CCDC73: variants seen among roughly 807,000 people sequenced by gnomAD.
The protein encoded by CCDC73 is coiled-coil domain containing 73, also known as coiled-coil domain-containing protein 73.
In CCDC73, 95 loss-of-function variants were observed where a neutral mutation model predicts 116.5. The observed-to-expected ratio is 0.82, with a 90% CI of 0.69 to 0.97. The LOEUF is 0.97. CCDC73 is among the 50% of genes least tolerant of loss of function. The pLI, the probability that CCDC73 is intolerant of heterozygous loss-of-function variation, is 0.00. For synonymous variants in CCDC73, 398 were observed against 401.3 expected (o/e 0.99, Z 0.10); for missense variants, 1,066 against 1,206.8 (o/e 0.88, Z 1.73).
intron 1 of CCDC73, among the ~76,000 whole-genome samples, chr11:32,763,672 A>G (rs1327108954): frequency 6.6e-6 from 1 of 152,260 alleles, no homozygotes. Flanking sequence ...AAAAAAACAG[A>G]GAAGAAAAGC....
chr11:32,627,849 T>C (rs1463715175), intron 14 of CCDC73, among the ~76,000 whole-genome samples: 6 of 152,120 alleles, frequency 3.9e-5, no homozygotes, highest in Non-Finnish European at 5.9e-5. Context: ...AGGGATAGCA[T>C]TAGGAGATAT....
intron 2 of CCDC73, among the ~76,000 whole-genome samples, chr11:32,740,905 A>G (rs1413934207): frequency 2.0e-5 from 3 of 151,990 alleles, no homozygotes; most frequent in African/African-American, 4.8e-5. Context: ...ACATTTTTCA[A>G]TTTCCTTCTT....
At chr11:32,811,225 C>T in the CCDC73 span, among the ~76,000 whole-genome samples, 1 of 152,156 alleles carries the variant, frequency 6.6e-6, no homozygotes, top group Admixed American at 6.5e-5. Context: ...TCTTCTCTCC[C>T]TTGCTCAGAA....
intron 9 of CCDC73, among the ~76,000 whole-genome samples, chr11:32,660,254 A>T (rs1188065661): frequency 6.7e-6 from 1 of 149,068 alleles, no homozygotes; most frequent in Non-Finnish European, 1.5e-5. Context: ...AAAAAAAAAA[A>T]ACAGGTTGGA....
the CCDC73 span, among the ~76,000 whole-genome samples, chr11:32,807,098 G>A: frequency 6.6e-6 from 1 of 152,304 alleles, no homozygotes; most frequent in South Asian, 2.1e-4. Context: ...TTGGTCAGCT[G>A]TTTGATTGAT....
At chr11:32,807,191 A>G in the CCDC73 span, among the ~76,000 whole-genome samples, 980 of 152,324 alleles carry the variant, frequency 6.4e-3, 15 homozygotes, top group African/African-American at 0.022. Context: ...TGCCCTCAGC[A>G]TTCCTTCTGG....
the CCDC73 span, among the ~76,000 whole-genome samples, chr11:32,808,748 C>T: frequency 6.6e-6 from 1 of 151,986 alleles, no homozygotes; most frequent in African/African-American, 2.4e-5. Flanking sequence ...GTAAGTTTAT[C>T]TAAGAAACAA....
At chr11:32,709,670 GGTT>G (rs1849883059) in intron 3 of CCDC73, among the ~76,000 whole-genome samples, 1 of 152,160 alleles carries the variant, frequency 6.6e-6, no homozygotes, top group South Asian at 2.1e-4. Context: ...TTGGTCTGTA[GGTT>G]GTTGTTATTA....
In CCDC73 at chr11:32,613,881, T is replaced by G; in HGVS notation, c.2437A>C (p.Ile813Leu). The G allele has an allele frequency of 6.2e-7, 1 of 1,613,418 alleles. No individual in the cohort carries two copies. Among genetic ancestry groups the G allele is most frequent in the Non-Finnish European group, 8.5e-7 (1 of 1,179,922 alleles). ...GCTTCAGTTACCTGATTCTCATCAA[T>G]CTGATTCTTTTTATTGGAAAACTCT... ...ETEFSNKKNQIDENQVTEATK... is the reference protein window; with the variant it reads ...ETEFSNKKNQLDENQVTEATK... The change falls in exon 16 of 18, where the codon ATT (isoleucine) becomes CTT (leucine). Residue 813 changes from isoleucine (I) to leucine (L), a missense_variant. By Grantham distance (5) the Ile-to-Leu change is conservative. Coordinates refer to ENST00000335185, the MANE Select transcript of CCDC73 (RefSeq NM_001008391.4).
At chr11:32,780,519 C>A (rs1343588181) in intron 1 of CCDC73, among the ~76,000 whole-genome samples, 4 of 151,710 alleles carry the variant, frequency 2.6e-5, no homozygotes, top group Non-Finnish European at 5.9e-5. Context: ...AGAAAAAAAT[C>A]CTAGATGCAG....
At chr11:32,828,940 A>G in the CCDC73 span, among the ~76,000 whole-genome samples, 1 of 152,236 alleles carries the variant, frequency 6.6e-6, no homozygotes, top group Non-Finnish European at 1.5e-5. Context: ...ATGAGGTTAT[A>G]GCTATCCTAG....
chr11:32,745,751 T>G lies in CCDC73; in HGVS notation c.135+14358A>C, dbSNP rs200567834. On this transcript the variant is annotated intron_variant, in intron 2 of 17. Coordinates refer to ENST00000335185, the MANE Select transcript of CCDC73 (RefSeq NM_001008391.4). The stretch of plus-strand genomic sequence containing the variant: ...TGTTTGTTTGTTTGTTTTGGTTTTT[T>G]TTTTTTTTTTGCTTTCCATTTGCTT... Among the ~76,000 whole-genome samples the G allele has an allele frequency of 1.1e-3, 166 of 150,306 alleles. 5 individuals are homozygous for G. The East Asian group carries it at 0.023, about 21-fold the overall frequency.
At chr11:32,792,138 T>C (rs1223073962) in intron 1 of CCDC73, among the ~76,000 whole-genome samples, 1 of 152,020 alleles carries the variant, frequency 6.6e-6, no homozygotes, top group Non-Finnish European at 1.5e-5. Context: ...TAACACAATT[T>C]CCCAAAGTGT....
intron 2 of CCDC73, among the ~76,000 whole-genome samples, chr11:32,756,533 T>C (rs1206403442): frequency 6.7e-6 from 1 of 149,670 alleles, no homozygotes; most frequent in Non-Finnish European, 1.5e-5. Flanking sequence ...TCCAAGATAA[T>C]TTATTACAAT....
chr11:32,830,363 G>C, the CCDC73 span: 1 of 836,398 alleles, frequency 1.2e-6, no homozygotes, highest in Non-Finnish European at 1.7e-6. Context: ...CTGGGCGCGC[G>C]TCGGGTTCCG....
At chr11:32,737,231 CTGTGTGTGTG>C (rs200606807) in intron 2 of CCDC73, among the ~76,000 whole-genome samples, 2,860 of 137,634 alleles carry the variant, frequency 0.021, 113 homozygotes, top group African/African-American at 0.073. Context: ...CATAGTAGGG[CTGTGTGTGTG>C]TGTGTGTGTG....
chr11:32,721,426 T>C (rs1047721981), intron 2 of CCDC73, among the ~76,000 whole-genome samples: 5 of 152,260 alleles, frequency 3.3e-5, no homozygotes, highest in Middle Eastern at 6.8e-3. Context: ...AGATATGTGA[T>C]AAAGCAAAAA....
At chr11:32,682,838 T>C (rs1405742649) in intron 7 of CCDC73, 1 of 151,948 alleles carries the variant, frequency 6.6e-6, no homozygotes, top group African/African-American at 2.4e-5. Flanking sequence ...GCACAGTAAA[T>C]AAATATTTGT....
At chr11:32,669,436 C>T (rs1341367378) in intron 9 of CCDC73, among the ~76,000 whole-genome samples, 1 of 151,966 alleles carries the variant, frequency 6.6e-6, no homozygotes, top group Non-Finnish European at 1.5e-5. Flanking sequence ...GTACCCATCC[C>T]CTGAAGGATT....
Sources: gnomAD v4.1 joint callset for allele counts (sites outside exome capture counted in the v4.1 genomes callset) on GRCh38, gnomAD v4.1.1 for gene constraint, MANE v1.5 for transcripts, NCBI Gene and HGNC (gene_info 2026-07-23, HGNC 2026-07-21) for gene names.